DIAPH3: variants seen among roughly 807,000 people sequenced by gnomAD.
DIAPH3 encodes the protein protein diaphanous homolog 3.
In DIAPH3, 117 loss-of-function variants were observed where a neutral mutation model predicts 144.3. That is an observed-to-expected ratio of 0.81 (90% CI 0.70 to 0.95). The LOEUF is 0.95. DIAPH3 is among the 40% of genes least tolerant of loss of function. The pLI is 0.00. For synonymous variants in DIAPH3, 519 were observed against 488.9 expected (o/e 1.06, Z -0.81); for missense variants, 1,421 against 1,412.7 (o/e 1.01, Z -0.09).
chr13:59,972,135 T>A (rs1277491421), intron 15 of DIAPH3, among the ~76,000 whole-genome samples: 1 of 152,058 alleles, frequency 6.6e-6, no homozygotes, highest in Non-Finnish European at 1.5e-5. Flanking sequence ...AAGAAATGCG[T>A]AGGATAAATG....
At chr13:59,786,972 C>T (rs2039066812) in intron 25 of DIAPH3, among the ~76,000 whole-genome samples, 1 of 151,956 alleles carries the variant, frequency 6.6e-6, no homozygotes, top group African/African-American at 2.4e-5. Flanking sequence ...TATGGTGGTG[C>T]ATGCCTGTAG....
At chr13:60,117,243 T>C (rs1235288586) in intron 2 of DIAPH3, among the ~76,000 whole-genome samples, 1 of 152,072 alleles carries the variant, frequency 6.6e-6, no homozygotes, top group Non-Finnish European at 1.5e-5. Flanking sequence ...ACATTACCAC[T>C]AGTATAGACG....
rs577846764 is a variant in DIAPH3, at chr13:60,068,235, T to C, written c.495+25393A>G. On this transcript the variant is annotated intron_variant, in intron 4 of 27. Coordinates refer to ENST00000400324, the MANE Select transcript of DIAPH3 (RefSeq NM_001042517.2). ...TACACCATAGAGTTCCAGGAGTGGA[T>C]TCTTGGGTCAATGAGAATGCATATT... Among the ~76,000 whole-genome samples the C allele has an allele frequency of 3.9e-5, 6 of 152,300 alleles. No homozygotes were observed. The South Asian group carries it at 6.2e-4, about 16-fold the overall frequency.
intron 17 of DIAPH3, among the ~76,000 whole-genome samples, chr13:59,943,742 TAC>T (rs1033289774): frequency 6.6e-6 from 1 of 152,140 alleles, no homozygotes; most frequent in African/African-American, 2.4e-5. Context: ...TGAAAAGCAT[TAC>T]AGAGTTCAAG....
intron 20 of DIAPH3, among the ~76,000 whole-genome samples, chr13:59,886,099 G>A (rs2045428660): frequency 6.6e-6 from 1 of 152,164 alleles, no homozygotes; most frequent in African/African-American, 2.4e-5. Flanking sequence ...AAGTGTTTTT[G>A]CAAAGTAGGT....
intron 24 of DIAPH3, among the ~76,000 whole-genome samples, chr13:59,822,682 T>C (rs1481731891): frequency 1.3e-5 from 2 of 152,010 alleles, no homozygotes; most frequent in Non-Finnish European, 2.9e-5. Flanking sequence ...GACCTCGTGA[T>C]CCACCCACTC....
At chr13:60,105,044 T>C (rs1387704438) in intron 3 of DIAPH3, among the ~76,000 whole-genome samples, 1 of 126,554 alleles carries the variant, frequency 7.9e-6, no homozygotes, top group Non-Finnish European at 1.6e-5. Context: ...TGCAGTGAGC[T>C]GAGATTGCGC....
chr13:59,851,514 A>G (rs201667722), intron 22 of DIAPH3, among the ~76,000 whole-genome samples: 2 of 152,010 alleles, frequency 1.3e-5, no homozygotes, highest in South Asian at 2.1e-4. Flanking sequence ...GCTTGGTTCT[A>G]TATCTGCCAC....
intron 1 of DIAPH3, among the ~76,000 whole-genome samples, chr13:60,148,834 G>C (rs1467735746): frequency 1.3e-5 from 2 of 152,294 alleles, no homozygotes; most frequent in South Asian, 2.1e-4. Context: ...AGTTCTTAAA[G>C]ATTATGCTAC....
At chr13:59,857,195 T>C (rs570696891) in intron 22 of DIAPH3, among the ~76,000 whole-genome samples, 2 of 152,304 alleles carry the variant, frequency 1.3e-5, no homozygotes, top group South Asian at 2.1e-4. Flanking sequence ...CTTTTGGTTA[T>C]AGCAGATAAA....
chr13:60,128,113 A>C (rs1443858705), intron 2 of DIAPH3, among the ~76,000 whole-genome samples: 1 of 151,956 alleles, frequency 6.6e-6, no homozygotes, highest in African/African-American at 2.4e-5. Context: ...CTTTGTGTCC[A>C]TGTGTTCTCA....
chr13:59,673,104 C>T (rs1053874945), intron 27 of DIAPH3, among the ~76,000 whole-genome samples: 12 of 152,114 alleles, frequency 7.9e-5, no homozygotes, highest in African/African-American at 2.7e-4. Context: ...CTCAAGATGA[C>T]GCAGGCTCTG....
At chr13:59,960,624 C>A (rs1276825342) in intron 17 of DIAPH3, among the ~76,000 whole-genome samples, 1 of 152,114 alleles carries the variant, frequency 6.6e-6, no homozygotes, top group Non-Finnish European at 1.5e-5. Flanking sequence ...TCTCTACCAT[C>A]CTCACTAATC....
At chr13:60,155,951 T>C (rs1300509853) in intron 1 of DIAPH3, among the ~76,000 whole-genome samples, 1 of 152,244 alleles carries the variant, frequency 6.6e-6, no homozygotes. Context: ...ATGAATCTGA[T>C]GGTCCTCCTT....
intron 16 of DIAPH3, 30 bp from the exon 17 acceptor site, chr13:59,970,088 A>G: frequency 7.4e-7 from 1 of 1,347,822 alleles, no homozygotes; most frequent in African/African-American, 1.4e-5. Flanking sequence ...TGATTCATCA[A>G]TAGGTGAGTG....
chr13:59,707,454 C>T (rs1212317673), intron 27 of DIAPH3, among the ~76,000 whole-genome samples: 1 of 152,054 alleles, frequency 6.6e-6, no homozygotes, highest in South Asian at 2.1e-4. Context: ...AAGAAGAAAA[C>T]TGCAGAATAA....
At chr13:59,860,199 AT>A (rs572163597) in intron 22 of DIAPH3, among the ~76,000 whole-genome samples, 97 of 152,140 alleles carry the variant, frequency 6.4e-4, no homozygotes, top group African/African-American at 1.9e-3. Flanking sequence ...GATAAAATTA[AT>A]TTTTTTTAAA....
chr13:59,934,110 C>T (rs17057467), intron 17 of DIAPH3, among the ~76,000 whole-genome samples: 9,263 of 152,058 alleles, frequency 0.061, 431 homozygotes, highest in East Asian at 0.28. Context: ...TTTTAGTAGT[C>T]AGTATAGGCA....
chr13:59,934,651 G>A (rs928391006), intron 17 of DIAPH3, among the ~76,000 whole-genome samples: 2 of 152,008 alleles, frequency 1.3e-5, no homozygotes, highest in Non-Finnish European at 2.9e-5. Flanking sequence ...GAACCAGAAC[G>A]GCCCTTCAGT....
Sources: allele counts gnomAD v4.1 joint callset (sites outside exome capture counted in the v4.1 genomes callset), GRCh38; gene constraint gnomAD v4.1.1; transcripts MANE v1.5; gene names NCBI Gene and HGNC (gene_info 2026-07-23, HGNC 2026-07-21).